Variants in LMLN observed in about 807,000 individuals in gnomAD.
The protein encoded by LMLN is leishmanolysin like peptidase.
A neutral mutation model predicts 92.3 loss-of-function variants in LMLN; 70 were observed. The ratio of observed to expected loss-of-function variants is 0.76; its 90% CI spans 0.63 to 0.92. LMLN has a LOEUF of 0.92. Among genes scored for constraint, LMLN ranks in the 40% least tolerant of loss-of-function variants. LMLN has a pLI of 0.00. For missense variants in LMLN, 691 were observed against 814.6 expected (o/e 0.85, Z 1.85); for synonymous variants, 308 against 296.2 (o/e 1.04, Z -0.41).
chr3:197,993,564 A>G (rs1209495435), intron 9 of LMLN, among the ~76,000 whole-genome samples: 1 of 152,176 alleles, frequency 6.6e-6, no homozygotes, highest in Non-Finnish European at 1.5e-5. Flanking sequence ...AGACCTGTAC[A>G]CTGAAAACTA....
intron 1 of LMLN, among the ~76,000 whole-genome samples, chr3:197,971,598 T>G (rs1043581777): frequency 1.3e-5 from 2 of 152,346 alleles, no homozygotes; most frequent in African/African-American, 4.8e-5. Flanking sequence ...GTTTGTTTGT[T>G]TTTGGGGACA....
intron 1 of LMLN, among the ~76,000 whole-genome samples, chr3:197,966,226 A>G (rs959925025): frequency 6.6e-6 from 1 of 152,116 alleles, no homozygotes; most frequent in Non-Finnish European, 1.5e-5. Flanking sequence ...TATTTTTAGT[A>G]GAGACAAGTT....
chr3:198,009,862 G>A (rs1045844524), intron 11 of LMLN, among the ~76,000 whole-genome samples: 2 of 152,024 alleles, frequency 1.3e-5, no homozygotes, highest in Non-Finnish European at 2.9e-5. Context: ...TATATTAATG[G>A]GGTAAATGAG....
At chr3:198,009,776 G>A (rs1722384500) in intron 11 of LMLN, among the ~76,000 whole-genome samples, 1 of 152,054 alleles carries the variant, frequency 6.6e-6, no homozygotes, top group Non-Finnish European at 1.5e-5. Flanking sequence ...GTTTTTTGTA[G>A]TATTCCATTA....
At chr3:198,002,752 T>C (rs924033991) in intron 11 of LMLN, among the ~76,000 whole-genome samples, 18 of 152,132 alleles carry the variant, frequency 1.2e-4, no homozygotes, top group Non-Finnish European at 2.5e-4. Flanking sequence ...TAAAATAAAG[T>C]GAAAATTACA....
chr3:197,973,410 T>G (rs374446022), intron 1 of LMLN, among the ~76,000 whole-genome samples: 3 of 151,848 alleles, frequency 2.0e-5, no homozygotes, highest in African/African-American at 7.3e-5. Flanking sequence ...CCCGGCTAAT[T>G]TTTTTGTATT....
At chr3:198,030,167 T>A (rs1240264790) in intron 14 of LMLN, among the ~76,000 whole-genome samples, 1 of 152,180 alleles carries the variant, frequency 6.6e-6, no homozygotes, top group Non-Finnish European at 1.5e-5. Context: ...TTAAAAAGCT[T>A]ATATTATTCT....
intron 11 of LMLN, among the ~76,000 whole-genome samples, chr3:198,012,333 G>A (rs1187207452): frequency 6.6e-6 from 1 of 152,210 alleles, no homozygotes; most frequent in Non-Finnish European, 1.5e-5. Flanking sequence ...CCAATGTGTT[G>A]GGATTACAGG....
chr3:198,013,663 C>T (rs1722521675), intron 11 of LMLN, among the ~76,000 whole-genome samples: 2 of 131,700 alleles, frequency 1.5e-5, no homozygotes, highest in South Asian at 2.4e-4. Context: ...TCAGAGCCCC[C>T]TAACTAGTCT....
chr3:197,974,334 T>C, intron 1 of LMLN, 43 bp from the exon 2 acceptor site: 1 of 1,008,218 alleles, frequency 9.9e-7, no homozygotes, highest in South Asian at 1.4e-5. Flanking sequence ...AGTGGGTTAA[T>C]CTGTATGTCT....
In LMLN at chr3:198,019,354, A is replaced by C. The variant is rs745397915; in HGVS notation, c.1334A>C (p.Lys445Thr). 1 of 1,614,114 alleles carries C rather than the reference A, an allele frequency of 6.2e-7. No individual in the cohort carries two copies. The highest frequency in any genetic ancestry group is 1.1e-5 in the South Asian group (1 of 91,066). ...GCAGTTGCCGTGTGTAATTTGCAGA[A>C]GTTCCCTAAGCCTTTACCACAGGAA... The change falls in exon 12 of 16, where the codon AAG becomes ACG. Residue 445 changes from lysine to threonine, a missense_variant. Lys to Thr is a moderately conservative substitution (Grantham distance 78). Coordinates refer to ENST00000330198, the Ensembl canonical transcript of LMLN. The surrounding 1 kb of genome is among the most constrained non-coding windows in gnomAD (Gnocchi z 5.5).
chr3:197,983,312 G>A (rs529348613), intron 6 of LMLN, among the ~76,000 whole-genome samples: 215 of 152,290 alleles, frequency 1.4e-3, no homozygotes, highest in African/African-American at 5.0e-3. Context: ...ACAGGGAGGC[G>A]CATGGTGGAA....
At chr3:198,001,344 T>C (rs1344754981) in intron 11 of LMLN, among the ~76,000 whole-genome samples, 7 of 152,186 alleles carry the variant, frequency 4.6e-5, no homozygotes, top group Non-Finnish European at 1.0e-4. Flanking sequence ...CAGAAAGAGC[T>C]GCAAAGAAAC....
In LMLN at chr3:198,025,376, T is replaced by C. The variant is rs935267311; in HGVS notation, c.1656+588T>C. Among the ~76,000 whole-genome samples, 4 of 152,214 alleles carry C rather than the reference T, an allele frequency of 2.6e-5. 1 individual carries two copies. Among genetic ancestry groups the C allele is most frequent in the Non-Finnish European group, 1.5e-5 (1 of 68,034 alleles). ...GCAAACTACAATTTTTTTTCCTTTTTCTTTTTCTTTTTTTTGAGACAAGGT... is the reference window on the plus strand; with the variant it reads ...GCAAACTACAATTTTTTTTCCTTTTCCTTTTTCTTTTTTTTGAGACAAGGT... On this transcript the variant is annotated intron_variant, in intron 14 of 15. Coordinates refer to ENST00000330198, the Ensembl canonical transcript of LMLN. The surrounding 1 kb of genome is among the most constrained non-coding windows in gnomAD (Gnocchi z 4.3).
intron 14 of LMLN, 121 bp downstream of exon 15, chr3:198,024,909 CTTG>C: frequency 1.5e-6 from 1 of 684,144 alleles, no homozygotes; most frequent in South Asian, 4.2e-5. Context: ...AATACTGTAT[CTTG>C]TTTATGTAAA....
intron 11 of LMLN, among the ~76,000 whole-genome samples, chr3:198,005,927 G>T (rs1046809083): frequency 6.6e-6 from 1 of 152,050 alleles, no homozygotes; most frequent in Admixed American, 6.6e-5. Context: ...GACCAGCCTG[G>T]CCAACATAGT....
exon 16 of LMLN, chr3:198,038,966 T>C (rs1322980998): frequency 3.1e-6 from 1 of 319,090 alleles, no homozygotes; most frequent in Non-Finnish European, 6.0e-6. Flanking sequence ...GCCACCTTCA[T>C]CAGCAACCCA....
intron 1 of LMLN, among the ~76,000 whole-genome samples, chr3:197,971,724 A>G (rs1721229697): frequency 6.6e-6 from 1 of 152,086 alleles, no homozygotes; most frequent in Non-Finnish European, 1.5e-5. Flanking sequence ...AGCTGGGATT[A>G]CAGGCATGAA....
chr3:198,008,968 T>C (rs987500452), intron 11 of LMLN, among the ~76,000 whole-genome samples: 6 of 152,234 alleles, frequency 3.9e-5, no homozygotes, highest in African/African-American at 1.4e-4. Flanking sequence ...GTTACTGATT[T>C]CTAGTTTAAT....
Sources: allele counts gnomAD v4.1 joint callset (sites outside exome capture counted in the v4.1 genomes callset), GRCh38; gene constraint gnomAD v4.1.1; non-coding constraint Gnocchi (gnomAD v3.1); transcripts MANE v1.5; gene names NCBI Gene and HGNC (gene_info 2026-07-23, HGNC 2026-07-21).